The following RNASET2 variants were observed in gnomAD, a reference collection of about 807,000 sequenced individuals.
RNASET2 encodes the protein ribonuclease T2, also known as ribonuclease 6.
Under a neutral mutation model 33.9 loss-of-function variants are expected in RNASET2, and 28 were observed. The ratio of observed to expected loss-of-function variants is 0.83; its 90% CI spans 0.61 to 1.13. The LOEUF is 1.13. RNASET2 is among the 50% of genes most tolerant of loss of function. The pLI is 0.00. For synonymous variants in RNASET2, 123 were observed against 121.0 expected, an observed-to-expected ratio of 1.02 and a Z score of -0.11; for missense variants, 330 against 319.9, an observed-to-expected ratio of 1.03 and a Z score of -0.24.
intron 1 of RNASET2, chr6:166,955,497 C>T (rs1224873094): frequency 2.0e-6 from 2 of 986,710 alleles, no homozygotes; most frequent in African/African-American, 1.7e-5. Flanking sequence ...CGTTTCACCA[C>T]CCGCCGCAGT....
chr6:166,943,879 TC>T, intron 4 of RNASET2: 1 of 375,444 alleles, frequency 2.7e-6, no homozygotes, highest in Non-Finnish European at 5.6e-6. Context: ...CCCAGCACTT[TC>T]GGAGGCCGAT....
chr6:166,948,646 G>T (rs375544116), intron 2 of RNASET2, 21 bp from the exon 3 acceptor site: 178 of 1,316,058 alleles, frequency 1.4e-4, no homozygotes, highest in Non-Finnish European at 1.9e-4. Context: ...AATATAACAA[G>T]AAAATGATTG....
At position 166,929,475 on chromosome 6, in the gene RNASET2, A is replaced by T; in HGVS notation, c.*113T>A. ...GGACCACAACATCCAATTCACAGGC[A>T]TGGAGGGGAAACAGCAAAATAAACA... is the stretch of plus-strand genomic sequence containing the variant. On this transcript the variant is annotated 3_prime_UTR_variant, in exon 9 of 9. Transcript: ENST00000508775. 9.1e-7 allele frequency: 1 copy of T among 1,104,528 alleles called. No homozygotes were observed. Among genetic ancestry groups the T allele is most frequent in the South Asian group, 1.3e-5 (1 of 78,062 alleles). 68.4% of individuals were successfully genotyped at this position (1,104,528 alleles called of 1,614,324 possible).
Position 166,929,087 on chromosome 6 carries a change from G to A in RNASET2, c.*501C>T, listed in dbSNP as rs1562491600. Among the ~76,000 whole-genome samples, 1 of 152,244 alleles carries A rather than the reference G, an allele frequency of 6.6e-6. No individual in the cohort carries two copies. Among genetic ancestry groups the A allele is most frequent in the South Asian group, 2.1e-4 (1 of 4,832 alleles). On this transcript the variant is annotated 3_prime_UTR_variant, in exon 9 of 9. Coordinates refer to ENST00000508775, the MANE Select transcript of RNASET2 (RefSeq NM_003730.6). ...CCAGGCCTCCAACAACGGAGCAGCT[G>A]GCTAAGGAACGATGTCCTGGGGCTC...
At chr6:166,937,120 C>G (rs1562496280) in intron 6 of RNASET2, among the ~76,000 whole-genome samples, 1 of 152,134 alleles carries the variant, frequency 6.6e-6, no homozygotes, top group Non-Finnish European at 1.5e-5. Flanking sequence ...ACCTAAGACA[C>G]TCTCTTGGTT....
intron 8 of RNASET2, 63 bp downstream of exon 8, chr6:166,930,981 C>A: frequency 8.9e-7 from 1 of 1,125,902 alleles, no homozygotes; most frequent in Non-Finnish European, 1.4e-6. Context: ...GAAGACAAGG[C>A]CATCAGAAAA....
rs1778250121 is a variant in RNASET2 at position 166,922,522 on chromosome 6, T to C, written c.*7066A>G. 6.6e-6 allele frequency among the ~76,000 whole-genome samples: 1 copy of C among 152,206 alleles called. No individual in the cohort carries two copies. Among genetic ancestry groups the C allele is most frequent in the Non-Finnish European group, 1.5e-5 (1 of 68,036 alleles). ...TCCAATCAACCTGAATAGAGTCCAC[T>C]CAAATGTCTCTTCCCATGGCTGAGT... On this transcript the variant is annotated 3_prime_UTR_variant, in exon 9 of 9. Transcript: ENST00000508775.
rs531422202 is a variant in RNASET2, at chr6:166,942,810, AC to A, written c.332+208del. 1.2e-3 allele frequency among the ~76,000 whole-genome samples: 188 copies of A among 152,326 alleles called. 1 individual carries two copies. Among genetic ancestry groups the A allele is most frequent in the Admixed American group, 2.5e-3 (39 of 15,300 alleles). On this transcript the variant is annotated intron_variant, in intron 5 of 8. Coordinates refer to ENST00000508775, the MANE Select transcript of RNASET2 (RefSeq NM_003730.6). ...AAAACAGGCTTATATGGTAAATTCCACTTGCTTTCAATTTTTTATACATTGG... is the reference window on the plus strand; with the variant it reads ...AAAACAGGCTTATATGGTAAATTCCATTGCTTTCAATTTTTTATACATTGG...
intron 2 of RNASET2, among the ~76,000 whole-genome samples, chr6:166,951,444 G>A (rs752143053): frequency 2.6e-5 from 4 of 152,214 alleles, no homozygotes; most frequent in Non-Finnish European, 5.9e-5. Flanking sequence ...TTCCCAGTCT[G>A]CTGAGTAACG....
At position 166,926,070 on chromosome 6, in the gene RNASET2, T is replaced by C. The variant is rs1423630522; in HGVS notation, c.*3518A>G. 1.3e-5 allele frequency among the ~76,000 whole-genome samples: 2 copies of C among 152,162 alleles called. No homozygotes were observed. The highest frequency in any genetic ancestry group is 4.8e-5 in the African/African-American group (2 of 41,444). ...TCAATGCATGGCCCAGATGGGAGAC[T>C]GAGGCTTGAACTAAGTCAGTAATGA... is the stretch of plus-strand genomic sequence containing the variant. On this transcript the variant is annotated 3_prime_UTR_variant, in exon 9 of 9. Coordinates refer to ENST00000508775, the MANE Select transcript of RNASET2 (RefSeq NM_003730.6).
intron 2 of RNASET2, among the ~76,000 whole-genome samples, chr6:166,949,095 T>A (rs141107089): frequency 1.4e-5 from 2 of 147,206 alleles, no homozygotes; most frequent in African/African-American, 5.1e-5. Context: ...GCGCTAATAG[T>A]CACTACTACT....
intron 5 of RNASET2, 147 bp from the exon 6 acceptor site, chr6:166,939,155 G>C (rs1045639442): frequency 2.9e-6 from 2 of 698,924 alleles, no homozygotes; most frequent in Non-Finnish European, 5.2e-6. Context: ...CCAACATGGT[G>C]AAACTGTCTC....
chr6:166,955,189 GCA>G (rs201397139), intron 1 of RNASET2, among the ~76,000 whole-genome samples: 12,057 of 56,232 alleles, frequency 0.21, 807 homozygotes, highest in African/African-American at 0.37. Flanking sequence ...ACACACACAC[GCA>G]CACACGCACG....
intron 6 of RNASET2, among the ~76,000 whole-genome samples, chr6:166,936,527 T>C (rs1190872238): frequency 6.6e-6 from 1 of 152,184 alleles, no homozygotes; most frequent in Non-Finnish European, 1.5e-5. Context: ...CTTCCGCTCA[T>C]GGCAGAAGGC....
At position 166,925,233 on chromosome 6, in the gene RNASET2, C is replaced by T. The variant is rs1320167673; in HGVS notation, c.*4355G>A. Among the ~76,000 whole-genome samples the T allele has an allele frequency of 2.6e-5, 4 of 151,406 alleles. No individual in the cohort carries two copies. Among genetic ancestry groups the T allele is most frequent in the South Asian group, 2.1e-4 (1 of 4,774 alleles). Reference sequence around the variant, plus strand: ...GCTGTCCAGGCATCACCCTTGCTGTCCAGCCGACACCTACGATGCGCAGTC... The same window carrying T: ...GCTGTCCAGGCATCACCCTTGCTGTTCAGCCGACACCTACGATGCGCAGTC... On this transcript the variant is annotated 3_prime_UTR_variant, in exon 9 of 9. Coordinates refer to ENST00000508775, the MANE Select transcript of RNASET2 (RefSeq NM_003730.6).
intron 5 of RNASET2, among the ~76,000 whole-genome samples, chr6:166,939,711 T>C (rs1778651758): frequency 2.0e-5 from 3 of 152,174 alleles, no homozygotes; most frequent in Non-Finnish European, 2.9e-5. Flanking sequence ...GGACAGCTAA[T>C]TACCAGGAAA....
At chr6:166,947,127 C>T (rs1468597360) in intron 3 of RNASET2, among the ~76,000 whole-genome samples, 4 of 151,956 alleles carry the variant, frequency 2.6e-5, no homozygotes, top group South Asian at 2.1e-4. Context: ...GGCCAATCTC[C>T]GCACCACAGA....
intron 1 of RNASET2, among the ~76,000 whole-genome samples, chr6:166,955,308 GACACACACGCACACACA>G (rs1779114211): frequency 5.4e-5 from 2 of 36,966 alleles, no homozygotes; most frequent in African/African-American, 2.6e-4. Context: ...GCGCACACAC[GACACACACGCACACACA>G]CGCACGCACG....
At chr6:166,940,878 C>T (rs964553964) in intron 5 of RNASET2, among the ~76,000 whole-genome samples, 6 of 152,060 alleles carry the variant, frequency 3.9e-5, no homozygotes, top group African/African-American at 1.4e-4. Context: ...GCTCACCCAC[C>T]CACTGTCACC....
Sources: gnomAD v4.1 joint callset for allele counts (sites outside exome capture counted in the v4.1 genomes callset) on GRCh38, gnomAD v4.1.1 for gene constraint, MANE v1.5 for transcripts, NCBI Gene and HGNC (gene_info 2026-07-23, HGNC 2026-07-21) for gene names.